The following FRZB variants were observed in gnomAD, a reference collection of about 807,000 sequenced individuals.
FRZB encodes frizzled related protein, also known as secreted frizzled-related protein 3.
A neutral mutation model predicts 32.5 loss-of-function variants in FRZB; 34 were observed. The ratio of observed to expected loss-of-function variants is 1.05; its 90% CI spans 0.80 to 1.39. The LOEUF is 1.39. FRZB is among the 40% of genes most tolerant of loss of function. FRZB has a pLI of 0.00. For missense variants in FRZB, 423 were observed against 424.8 expected (o/e 1.00, Z 0.04); for synonymous variants, 170 against 159.2 (o/e 1.07, Z -0.51).
intron 2 of FRZB, among the ~76,000 whole-genome samples, chr2:182,846,195 C>T (rs906163884): frequency 1.3e-5 from 2 of 152,162 alleles, no homozygotes; most frequent in Non-Finnish European, 2.9e-5. Flanking sequence ...GTCCCTGATA[C>T]AGCTATGAAA....
At chr2:182,838,974 G>T (rs1032261898) in intron 3 of FRZB, among the ~76,000 whole-genome samples, 1 of 152,086 alleles carries the variant, frequency 6.6e-6, no homozygotes, top group Non-Finnish European at 1.5e-5. Flanking sequence ...ATATGCATGT[G>T]CAGTTCCAAT....
At chr2:182,845,432 G>A (rs1447900507) in intron 2 of FRZB, among the ~76,000 whole-genome samples, 1 of 152,074 alleles carries the variant, frequency 6.6e-6, no homozygotes, top group African/African-American at 2.4e-5. Context: ...AAGTTTTTTA[G>A]AATGGAAAAT....
chr2:182,862,843 A>G (rs941852781), intron 1 of FRZB, among the ~76,000 whole-genome samples: 4 of 151,366 alleles, frequency 2.6e-5, no homozygotes, highest in Non-Finnish European at 4.4e-5. Context: ...ATCTCAGGTC[A>G]CTGCAACCTC....
rs530140518 is a variant in FRZB, at chr2:182,847,796, T to C, written c.527-5253A>G. ...TCATCAAATAGAAAGGCAAACCTTA[T>C]AGTGGGTAAGAATGCTTGGCAATCT... is the stretch of plus-strand genomic sequence containing the variant. On this transcript the variant is annotated intron_variant, in intron 2 of 5. Coordinates refer to ENST00000295113, the MANE Select transcript of FRZB (RefSeq NM_001463.4). Among the ~76,000 whole-genome samples the C allele has an allele frequency of 1.3e-3, 197 of 152,288 alleles. 1 individual carries two copies. The highest frequency in any genetic ancestry group is 4.5e-3 in the African/African-American group (186 of 41,562).
At chr2:182,855,068 G>A (rs1695753508) in intron 2 of FRZB, among the ~76,000 whole-genome samples, 1 of 152,192 alleles carries the variant, frequency 6.6e-6, no homozygotes, top group African/African-American at 2.4e-5. Flanking sequence ...ATGTGGGATA[G>A]ATATGGAAGG....
chr2:182,838,492 A>G lies in FRZB; in HGVS notation c.714T>C (p.Tyr238=), dbSNP rs1438025302. ...VNIPRDTVNL[Y]TSSGCLCPPL... is the part of the protein sequence containing the mutation. ...GAGGGCAGAGGCAGCCAGAGCTGGT[A>G]TAGAGGTTGACAGTGTCCCGTGGAA... Residue 238 remains tyrosine, a synonymous_variant, in exon 4 of 6, where the codon TAT becomes TAC. Coordinates refer to ENST00000295113, the MANE Select transcript of FRZB (RefSeq NM_001463.4). The G allele has an allele frequency of 1.2e-6, 2 of 1,612,850 alleles. No homozygotes were observed. Among genetic ancestry groups the G allele is most frequent in the Non-Finnish European group, 1.7e-6 (2 of 1,179,240 alleles).
Position 182,834,577 on chromosome 2 carries a change from A to C in FRZB, c.*272T>G, listed in dbSNP as rs530237479. 3 of 414,948 alleles carry C rather than the reference A, an allele frequency of 7.2e-6. No individual in the cohort carries two copies. The East Asian group carries it at 1.2e-4, about 16-fold the overall frequency. 25.7% of individuals were successfully genotyped at this position (414,948 alleles called of 1,614,324 possible). ...GCTCTGGTAACAGCATGTTTAATTT[A>C]TTATTATTGCAAAAGAACAGTTTTT... On this transcript the variant is annotated 3_prime_UTR_variant, in exon 6 of 6. Transcript: ENST00000295113.
At chr2:182,853,503 A>T (rs1335178052) in intron 2 of FRZB, among the ~76,000 whole-genome samples, 1 of 152,236 alleles carries the variant, frequency 6.6e-6, no homozygotes, top group Admixed American at 6.5e-5. Context: ...GACAGCAATG[A>T]TTTCCAACTG....
intron 3 of FRZB, among the ~76,000 whole-genome samples, chr2:182,841,967 G>A (rs547351625): frequency 6.6e-6 from 1 of 152,288 alleles, no homozygotes; most frequent in South Asian, 2.1e-4. Flanking sequence ...AGTCAAGCTA[G>A]ATAACAACAC....
chr2:182,853,643 T>C (rs1284961782), intron 2 of FRZB, among the ~76,000 whole-genome samples: 1 of 152,158 alleles, frequency 6.6e-6, no homozygotes, highest in Non-Finnish European at 1.5e-5. Context: ...TTCCCTCAGA[T>C]CAAACATATC....
At chr2:182,851,432 G>A (rs1559049339) in intron 2 of FRZB, among the ~76,000 whole-genome samples, 1 of 152,156 alleles carries the variant, frequency 6.6e-6, no homozygotes, top group Admixed American at 6.5e-5. Flanking sequence ...GAGGTGGTTG[G>A]ATCACCTGAG....
At chr2:182,849,732 A>G (rs531525999) in intron 2 of FRZB, among the ~76,000 whole-genome samples, 1 of 152,372 alleles carries the variant, frequency 6.6e-6, no homozygotes, top group South Asian at 2.1e-4. Flanking sequence ...AGACTGACAG[A>G]ACTAACGCTA....
At chr2:182,839,120 G>A (rs1345207704) in intron 3 of FRZB, among the ~76,000 whole-genome samples, 1 of 152,014 alleles carries the variant, frequency 6.6e-6, no homozygotes, top group Non-Finnish European at 1.5e-5. Flanking sequence ...CCTCTGTAAT[G>A]TTATAAAATT....
intron 2 of FRZB, among the ~76,000 whole-genome samples, chr2:182,858,552 A>G (rs1464277467): frequency 1.3e-5 from 2 of 152,182 alleles, no homozygotes; most frequent in Admixed American, 1.3e-4. Flanking sequence ...TGGTGGTTAC[A>G]TAAATCTCTA....
At chr2:182,853,043 AC>A (rs141711372) in intron 2 of FRZB, among the ~76,000 whole-genome samples, 6,167 of 152,242 alleles carry the variant, frequency 0.041, 333 homozygotes, top group African/African-American at 0.13. Flanking sequence ...CTCAGCTGTT[AC>A]ATTTCTCCAA....
At chr2:182,836,036 T>C (rs1695521208) in intron 5 of FRZB, among the ~76,000 whole-genome samples, 1 of 152,136 alleles carries the variant, frequency 6.6e-6, no homozygotes, top group Non-Finnish European at 1.5e-5. Flanking sequence ...AATGTGTTAT[T>C]GTTTTTCTGT....
chr2:182,849,393 T>A (rs1695685904), intron 2 of FRZB, among the ~76,000 whole-genome samples: 1 of 152,196 alleles, frequency 6.6e-6, no homozygotes, highest in African/African-American at 2.4e-5. Flanking sequence ...TATACCTTAA[T>A]AAAGTCCTAT....
chr2:182,840,129 C>T (rs1695571702), intron 3 of FRZB, among the ~76,000 whole-genome samples: 1 of 152,098 alleles, frequency 6.6e-6, no homozygotes, highest in Admixed American at 6.6e-5. Context: ...ACTGTAACTA[C>T]CCAACTGTCC....
intron 3 of FRZB, 60 bp from the exon 4 acceptor site, chr2:182,838,673 A>G: frequency 7.1e-7 from 1 of 1,402,162 alleles, no homozygotes; most frequent in South Asian, 1.2e-5. Flanking sequence ...ACCCCATTCA[A>G]AAAAAGCCAA....
Sources: allele counts gnomAD v4.1 joint callset (sites outside exome capture counted in the v4.1 genomes callset), GRCh38; gene constraint gnomAD v4.1.1; transcripts MANE v1.5; gene names NCBI Gene and HGNC (gene_info 2026-07-23, HGNC 2026-07-21).